XPR1: variants seen among roughly 807,000 people sequenced by gnomAD.
XPR1 encodes the protein xenotropic and polytropic retrovirus receptor 1, also known as solute carrier family 53 member 1.
A neutral mutation model predicts 87.5 loss-of-function variants in XPR1; 28 were observed. The observed-to-expected ratio is 0.32, with a 90% CI of 0.24 to 0.44. The LOEUF (loss-of-function observed/expected upper bound fraction) is 0.44, where lower values mean the gene tolerates loss of function less well. XPR1 is among the 20% of genes least tolerant of loss of function. The probability of loss-of-function intolerance (pLI) is 1.00; values close to 1 mark genes in which losing one functional copy is unlikely to be tolerated. For missense variants in XPR1, 559 were observed against 862.3 expected, an observed-to-expected ratio of 0.65 and a Z score of 4.41; for synonymous variants, 300 against 306.1, an observed-to-expected ratio of 0.98 and a Z score of 0.21.
Position 180,880,220 on chromosome 1 carries a change from G to A in XPR1, c.1953G>A (p.Gly651=), listed in dbSNP as rs1443900314. ...AACAGATGATGGACCAGGATGATGG[G>A]GTACGAAACCGCCAGAAGAATCGGT... is the stretch of plus-strand genomic sequence containing the variant. ...LLEQMMDQDD[G]VRNRQKNRSW... Residue 651 remains glycine, a synonymous_variant, in exon 14 of 15, where the codon GGG becomes GGA. Coordinates refer to ENST00000367590, the MANE Select transcript of XPR1 (RefSeq NM_004736.4). The A allele has an allele frequency of 3.7e-6, 6 of 1,614,178 alleles. No homozygotes were observed. The highest frequency in any genetic ancestry group is 3.3e-5 in the Admixed American group (2 of 60,020).
intron 1 of XPR1, among the ~76,000 whole-genome samples, chr1:180,669,083 C>T (rs1222236793): frequency 1.4e-5 from 2 of 145,272 alleles, no homozygotes; most frequent in Non-Finnish European, 3.0e-5. Flanking sequence ...GAGCGAAACT[C>T]TGTCTAAAAA....
At chr1:180,791,937 T>G (rs1649405393) in intron 3 of XPR1, among the ~76,000 whole-genome samples, 1 of 152,204 alleles carries the variant, frequency 6.6e-6, no homozygotes, top group African/African-American at 2.4e-5. Context: ...ACTTCCTGTT[T>G]TGTGTGTGTA....
intron 7 of XPR1, among the ~76,000 whole-genome samples, chr1:180,813,831 G>A (rs1207742276): frequency 1.3e-5 from 2 of 152,068 alleles, no homozygotes; most frequent in Non-Finnish European, 2.9e-5. Flanking sequence ...GAAATATTAG[G>A]CTGGTGCAAA....
chr1:180,875,428 G>A (rs564795977), intron 13 of XPR1, among the ~76,000 whole-genome samples: 144 of 151,048 alleles, frequency 9.5e-4, no homozygotes, highest in Non-Finnish European at 1.9e-3. Flanking sequence ...AGGGTCACTT[G>A]AGCCTGGGAG....
At chr1:180,643,257 A>G (rs1330091687) in intron 1 of XPR1, among the ~76,000 whole-genome samples, 1 of 152,198 alleles carries the variant, frequency 6.6e-6, no homozygotes, top group African/African-American at 2.4e-5. Context: ...GCTTGAATTA[A>G]TACCTTATTT....
chr1:180,759,234 A>T (rs1162057880), intron 2 of XPR1, among the ~76,000 whole-genome samples: 3 of 152,224 alleles, frequency 2.0e-5, no homozygotes, highest in Non-Finnish European at 4.4e-5. Context: ...AACACATTCA[A>T]AAGCTAGCAG....
chr1:180,770,957 G>T (rs918494454), intron 2 of XPR1, among the ~76,000 whole-genome samples: 2 of 152,086 alleles, frequency 1.3e-5, no homozygotes, highest in African/African-American at 4.8e-5. Context: ...AGACTTTCTG[G>T]ATCTTTTTAT....
intron 1 of XPR1, among the ~76,000 whole-genome samples, chr1:180,653,537 T>A (rs1224452460): frequency 1.3e-5 from 2 of 152,076 alleles, no homozygotes; most frequent in African/African-American, 4.8e-5. Context: ...CCCCCCCTTA[T>A]CCACAGGGGA....
rs554404371 is a variant in XPR1, at chr1:180,725,472, C to T, written c.121+43061C>T. On this transcript the variant is annotated intron_variant, in intron 2 of 14. Transcript: ENST00000367590. The stretch of plus-strand genomic sequence containing the variant: ...ATGAATAAAAAAGCCCCATCTCTAT[C>T]CATTAATCTTTTATGACTTCCAAAC... Among the ~76,000 whole-genome samples the T allele has an allele frequency of 3.3e-5, 5 of 152,286 alleles. No individual in the cohort carries two copies. The South Asian group carries it at 8.3e-4, about 25-fold the overall frequency.
At chr1:180,656,100 A>G (rs1412502881) in intron 1 of XPR1, among the ~76,000 whole-genome samples, 3 of 150,844 alleles carry the variant, frequency 2.0e-5, no homozygotes, top group Non-Finnish European at 4.4e-5. Context: ...CTGCCCCCCA[A>G]TACCCTTCTG....
intron 2 of XPR1, among the ~76,000 whole-genome samples, chr1:180,716,737 C>A (rs879165708): frequency 6.6e-6 from 1 of 152,134 alleles, no homozygotes; most frequent in South Asian, 2.1e-4. Flanking sequence ...AGATTCTTCC[C>A]CTCTGGAATT....
chr1:180,692,974 A>T (rs17301454), intron 2 of XPR1, among the ~76,000 whole-genome samples: 3,129 of 152,304 alleles, frequency 0.021, 43 homozygotes, highest in African/African-American at 0.024. Flanking sequence ...TAATATATGA[A>T]GTCACTGTTT....
At chr1:180,817,809 G>A (rs368691480) in intron 7 of XPR1, among the ~76,000 whole-genome samples, 31 of 152,184 alleles carry the variant, frequency 2.0e-4, no homozygotes, top group Non-Finnish European at 3.8e-4. Flanking sequence ...GAAAGAATAT[G>A]AGCCGGAACT....
At chr1:180,865,556 A>G (rs1418418736) in intron 12 of XPR1, among the ~76,000 whole-genome samples, 1 of 151,894 alleles carries the variant, frequency 6.6e-6, no homozygotes, top group East Asian at 1.9e-4. Flanking sequence ...GCCCGCCACC[A>G]CGTCCGGTTA....
intron 2 of XPR1, among the ~76,000 whole-genome samples, chr1:180,779,240 A>T (rs1202709387): frequency 1.3e-5 from 2 of 152,130 alleles, no homozygotes; most frequent in Non-Finnish European, 2.9e-5. Flanking sequence ...TGTTGTCTTC[A>T]TTCACTTTTT....
At chr1:180,656,197 A>G (rs931823994) in intron 1 of XPR1, among the ~76,000 whole-genome samples, 2 of 148,642 alleles carry the variant, frequency 1.3e-5, no homozygotes, top group African/African-American at 5.0e-5. Flanking sequence ...GAGAAGATGC[A>G]AAGTTTGTCT....
intron 9 of XPR1, among the ~76,000 whole-genome samples, chr1:180,832,192 T>G (rs561997445): frequency 5.3e-5 from 8 of 152,360 alleles, no homozygotes; most frequent in African/African-American, 1.9e-4. Context: ...CATAAATGTC[T>G]TCTTTTGAGA....
intron 2 of XPR1, among the ~76,000 whole-genome samples, chr1:180,704,839 T>TTTTTTTG (rs1657504720): frequency 1.4e-5 from 2 of 145,490 alleles, no homozygotes; most frequent in African/African-American, 2.5e-5. Flanking sequence ...TTTTTTTTTT[T>TTTTTTTG]AAGTAATAAT....
rs12088425 is a variant in XPR1 at position 180,873,686 on chromosome 1, G to A, written c.1669-117G>A. The stretch of plus-strand genomic sequence containing the variant: ...AAATAAAGTACAACTTTCCTCTTGA[G>A]CCTGTGCTTATTCGTAGGACATGTG... On this transcript the variant is annotated intron_variant, in intron 12 of 14. Coordinates refer to ENST00000367590, the MANE Select transcript of XPR1 (RefSeq NM_004736.4). 9.5e-3 allele frequency: 10,567 copies of A among 1,115,006 alleles called. 756 individuals are homozygous for A. The African/African-American group carries it at 0.14, about 15-fold the overall frequency. 69.1% of individuals were successfully genotyped at this position (1,115,006 alleles called of 1,614,324 possible). A position where few individuals can be genotyped will look rare whatever the true frequency, so the allele number is the denominator to read the frequency against.
Sources: allele counts gnomAD v4.1 joint callset (sites outside exome capture counted in the v4.1 genomes callset), GRCh38; gene constraint gnomAD v4.1.1; transcripts MANE v1.5; gene names NCBI Gene and HGNC (gene_info 2026-07-23, HGNC 2026-07-21).